DMD: variants seen among roughly 807,000 people sequenced by gnomAD.
DMD encodes dystrophin.
In DMD, 63 loss-of-function variants were observed where a neutral mutation model predicts 330.1. The ratio of observed to expected loss-of-function variants is 0.19; its 90% CI spans 0.16 to 0.24. The LOEUF (loss-of-function observed/expected upper bound fraction) is 0.24, where lower values mean the gene tolerates loss of function less well. Among genes scored for constraint, DMD ranks in the 10% least tolerant of loss-of-function variants. DMD has a pLI of 1.00. For missense variants in DMD, 3,344 were observed against 2,684.1 expected (o/e 1.25, Z -5.43); for synonymous variants, 1,223 against 959.8 (o/e 1.27, Z -5.07).
chrX:31,152,769 G>A (rs1399196150), intron 74 of DMD, among the ~76,000 whole-genome samples: 3 of 111,789 alleles, frequency 2.7e-5, no homozygotes, highest in Non-Finnish European at 5.6e-5. Context: ...CAAACACCTG[G>A]GCACAAGCAG....
chrX:31,662,760 G>A (rs1234487557), intron 53 of DMD, among the ~76,000 whole-genome samples: 3 of 111,743 alleles, frequency 2.7e-5, no homozygotes, highest in African/African-American at 9.8e-5. Context: ...AAACTAGGAT[G>A]GGGTTACTTG....
chrX:31,591,815 G>C (rs1162185630), intron 55 of DMD, among the ~76,000 whole-genome samples: 1 of 110,990 alleles, frequency 9.0e-6, no homozygotes, highest in Non-Finnish European at 1.9e-5. Flanking sequence ...CTGAAGTTAA[G>C]AGCAAAGTAG....
At chrX:31,156,009 A>G (rs186662084) in intron 74 of DMD, among the ~76,000 whole-genome samples, 1,128 of 110,609 alleles carry the variant, frequency 0.01, 36 homozygotes, top group Admixed American at 0.091. Context: ...AAAAAGTGAC[A>G]ATAAAATTTT....
intron 9 of DMD, among the ~76,000 whole-genome samples, chrX:32,668,865 A>G (rs970431165): frequency 3.6e-5 from 4 of 111,156 alleles, no homozygotes; most frequent in Admixed American, 2.9e-4. Flanking sequence ...GGAGTATGTT[A>G]GTTAAATACT....
intron 2 of DMD, among the ~76,000 whole-genome samples, chrX:32,858,772 C>T (rs1277640822): frequency 1.8e-5 from 2 of 111,379 alleles, no homozygotes; most frequent in African/African-American, 6.5e-5. Context: ...TTTATTCTCC[C>T]TGTAGTATGA....
At chrX:32,439,612 T>C (rs1304350735) in intron 28 of DMD, among the ~76,000 whole-genome samples, 1 of 111,451 alleles carries the variant, frequency 9.0e-6, no homozygotes, top group Admixed American at 9.6e-5. Context: ...AGGGATCAGT[T>C]ATAAATATCT....
At chrX:32,394,926 A>AAAACAAAAC (rs1557326887) in intron 30 of DMD, among the ~76,000 whole-genome samples, 28 of 101,399 alleles carry the variant, frequency 2.8e-4, no homozygotes, top group South Asian at 1.9e-3. Context: ...CAAAAAAAAA[A>AAAACAAAAC]AAAAAAAGAA....
intron 43 of DMD, among the ~76,000 whole-genome samples, chrX:32,252,713 TAA>T (rs2097272440): frequency 2.2e-5 from 1 of 45,996 alleles, no homozygotes; most frequent in African/African-American, 9.2e-5. Context: ...TATAAATATA[TAA>T]ATATATATAA....
rs903802110 is a variant in DMD, at chrX:32,217,131, C to T, written c.6291-68G>A. The stretch of plus-strand genomic sequence containing the variant: ...TGTAAAACAGATTATAGAGATATAG[C>T]GTATATTTTTTGGTTATACTGACAA... On this transcript the variant is annotated intron_variant, in intron 43 of 78. Transcript: ENST00000357033. 14 of 1,096,380 alleles carry T rather than the reference C, an allele frequency of 1.3e-5. No homozygotes were observed. In the East Asian group the frequency reaches 3.8e-4, roughly 29 times the overall value. 90.4% of individuals were successfully genotyped at this position (1,096,380 alleles called of 1,213,427 possible).
At chrX:31,212,934 T>C (rs1322707745) in intron 64 of DMD, among the ~76,000 whole-genome samples, 1 of 112,642 alleles carries the variant, frequency 8.9e-6, no homozygotes, top group South Asian at 3.7e-4. Flanking sequence ...ATGGTGCCCA[T>C]ATAACCCCAA....
rs764349025 is a variant in DMD, at chrX:32,613,495, C to T, written c.1482+808G>A. Among the ~76,000 whole-genome samples, 4 of 110,261 alleles carry T rather than the reference C, an allele frequency of 3.6e-5. No homozygotes were observed. The Admixed American group carries it at 3.9e-4, about 11-fold the overall frequency. On this transcript the variant is annotated intron_variant, in intron 12 of 78. Transcript: ENST00000357033. ...GCATAACTGGAAATGTACAAGTAAACTGAAGAAAAAAGATGGAAATATTAA... is the reference window on the plus strand; with the variant it reads ...GCATAACTGGAAATGTACAAGTAAATTGAAGAAAAAAGATGGAAATATTAA...
intron 18 of DMD, among the ~76,000 whole-genome samples, chrX:32,505,737 A>G (rs2044550065): frequency 8.9e-6 from 1 of 112,228 alleles, no homozygotes; most frequent in South Asian, 3.6e-4. Flanking sequence ...ATTTGCCAAG[A>G]CTTGGAAACA....
At chrX:32,889,934 G>T (rs1001157219) in intron 2 of DMD, among the ~76,000 whole-genome samples, 1 of 111,298 alleles carries the variant, frequency 9.0e-6, no homozygotes, top group African/African-American at 3.3e-5. Flanking sequence ...CCAGAGAAAG[G>T]GGGGGCATCT....
chrX:32,605,273 A>C (rs5928040), intron 12 of DMD, among the ~76,000 whole-genome samples: 10,423 of 110,303 alleles, frequency 0.094, 472 homozygotes, highest in Middle Eastern at 0.15. Flanking sequence ...CACATCTTTA[A>C]CAAAGTAAAA....
intron 2 of DMD, among the ~76,000 whole-genome samples, chrX:32,858,439 C>G (rs768557426): frequency 8.9e-6 from 1 of 112,022 alleles, no homozygotes; most frequent in Non-Finnish European, 1.9e-5. Context: ...AAGTGATTCT[C>G]CTGCCTCAGC....
intron 16 of DMD, among the ~76,000 whole-genome samples, chrX:32,553,268 C>A (rs2049787784): frequency 9.0e-6 from 1 of 111,495 alleles, no homozygotes; most frequent in Admixed American, 9.6e-5. Flanking sequence ...TTGCAGCAAA[C>A]ATGGATGGAG....
At chrX:31,302,866 C>T (rs2148104483) in intron 62 of DMD, among the ~76,000 whole-genome samples, 1 of 111,579 alleles carries the variant, frequency 9.0e-6, no homozygotes, top group South Asian at 3.8e-4. Flanking sequence ...TAGTGACCAA[C>T]CAGTTGTTTA....
At chrX:32,883,823 C>CCAAAAAAAA (rs1169678184) in intron 2 of DMD, among the ~76,000 whole-genome samples, 3 of 30,352 alleles carry the variant, frequency 9.9e-5, no homozygotes, top group African/African-American at 2.9e-4. Flanking sequence ...GACTCTGTTT[C>CCAAAAAAAA]AAAAAAAAAA....
intron 44 of DMD, among the ~76,000 whole-genome samples, chrX:32,094,650 A>G (rs2096494693): frequency 8.9e-6 from 1 of 112,073 alleles, no homozygotes; most frequent in Admixed American, 9.5e-5. Context: ...ATCACTTTGC[A>G]TAGGGTTATT....
Sources: allele counts gnomAD v4.1 joint callset (sites outside exome capture counted in the v4.1 genomes callset), GRCh38; gene constraint gnomAD v4.1.1; transcripts MANE v1.5; gene names NCBI Gene and HGNC (gene_info 2026-07-23, HGNC 2026-07-21).